STRADB: variants seen among roughly 807,000 people sequenced by gnomAD.
The protein encoded by STRADB is STE20 related adaptor beta.
Under a neutral mutation model 52.1 loss-of-function variants are expected in STRADB, and 34 were observed. The ratio of observed to expected loss-of-function variants is 0.65; its 90% CI spans 0.50 to 0.87. The LOEUF (loss-of-function observed/expected upper bound fraction) is 0.87. Ranked by LOEUF, STRADB falls within the 40% of genes least tolerant of loss-of-function variation. The probability of loss-of-function intolerance (pLI) is 0.00; values close to 1 mark genes in which losing one functional copy is unlikely to be tolerated. For missense variants in STRADB, 340 were observed against 483.9 expected, an observed-to-expected ratio of 0.70 and a Z score of 2.79; for synonymous variants, 133 against 174.5, an observed-to-expected ratio of 0.76 and a Z score of 1.87.
intron 5 of STRADB, among the ~76,000 whole-genome samples, chr2:201,474,044 C>A (rs1275168158): frequency 6.6e-6 from 1 of 152,068 alleles, no homozygotes; most frequent in Non-Finnish European, 1.5e-5. Context: ...GCGCCCACCA[C>A]CACGTCCAGC....
rs768465769 is a variant in STRADB, at chr2:201,475,698, C to T, written c.504C>T (p.Ala168=). 49 of 1,612,004 alleles carry T rather than the reference C, an allele frequency of 3.0e-5. No homozygotes were observed. Among genetic ancestry groups the T allele is most frequent in the Admixed American group, 2.2e-4 (13 of 59,964 alleles). The change falls in exon 7 of 12, where the codon GCC becomes GCT. Residue 168 remains alanine, a synonymous_variant. Coordinates refer to ENST00000194530, the MANE Select transcript of STRADB (RefSeq NM_018571.6). The part of the protein sequence containing the change: ...ETLIRNILFG[A]VRGLNYLHQN... ...TAATAAGAAACATTCTCTTTGGAGC[C>T]GTGAGAGGGTTGAACTATCTGCACC...
At chr2:201,477,979 G>A in intron 8 of STRADB, 108 bp from the exon 9 acceptor site, 1 of 1,188,372 alleles carries the variant, frequency 8.4e-7, no homozygotes, top group Non-Finnish European at 1.2e-6. Context: ...GTCGCTTATG[G>A]GTTTCTTTTC....
chr2:201,465,940 G>T (rs1369380715), intron 3 of STRADB, among the ~76,000 whole-genome samples: 1 of 152,214 alleles, frequency 6.6e-6, no homozygotes, highest in Non-Finnish European at 1.5e-5. Flanking sequence ...CTCCCCGGGG[G>T]ATGCGGGAGG....
chr2:201,469,649 T>C (rs1014636902), intron 3 of STRADB, among the ~76,000 whole-genome samples: 1 of 152,336 alleles, frequency 6.6e-6, no homozygotes, highest in African/African-American at 2.4e-5. Context: ...ATTTGTCAGC[T>C]ATCCTGAAGA....
Position 201,480,368 on chromosome 2 carries a change from A to C in STRADB, c.*193A>C. On this transcript the variant is annotated 3_prime_UTR_variant, in exon 12 of 12. Transcript: ENST00000194530. ...CCTCTGTTTCGCACAGAGTACTATG[A>C]CAAGGAAACATCAGAATTACTAATC... 1 of 1,372,660 alleles carries C rather than the reference A, an allele frequency of 7.3e-7. No individual in the cohort carries two copies. The highest frequency in any genetic ancestry group is 1.9e-5 in the South Asian group (1 of 51,366). 85.0% of individuals were successfully genotyped at this position (1,372,660 alleles called of 1,614,324 possible).
At chr2:201,454,910 GC>G in intron 2 of STRADB, 58 bp downstream of exon 2, 1 of 1,510,296 alleles carries the variant, frequency 6.6e-7, no homozygotes, top group Non-Finnish European at 9.1e-7. Context: ...GGATGTTAAT[GC>G]CAAGCCATAA....
intron 2 of STRADB, among the ~76,000 whole-genome samples, chr2:201,458,414 G>A (rs1398901681): frequency 1.3e-5 from 2 of 152,194 alleles, no homozygotes; most frequent in Admixed American, 6.5e-5. Flanking sequence ...TAATTATAAT[G>A]AATTCAGCAG....
In STRADB at chr2:201,470,044, T is replaced by G; in HGVS notation, c.185T>G (p.Val62Gly). The change falls in exon 4 of 12, where the codon GTA becomes GGA. Residue 62 changes from valine to glycine, a missense_variant. Val to Gly is a moderately radical substitution (Grantham distance 109). Coordinates refer to ENST00000194530, the MANE Select transcript of STRADB (RefSeq NM_018571.6). Reference sequence around the variant, plus strand: ...AACGTTTCTCACTATGAGCTCCAAGTAGAAATAGGTAATAATCCTGAATTT... The same window carrying G: ...AACGTTTCTCACTATGAGCTCCAAGGAGAAATAGGTAATAATCCTGAATTT... Reference protein sequence around the residue: ...STNVSHYELQVEIGRGFDNLT... With the variant: ...STNVSHYELQGEIGRGFDNLT... 1 of 1,608,430 alleles carries G rather than the reference T, an allele frequency of 6.2e-7. No homozygotes were observed. The highest frequency in any genetic ancestry group is 8.5e-7 in the Non-Finnish European group (1 of 1,174,816).
rs1952552747 is a variant in STRADB at position 201,480,425 on chromosome 2, C to G, written c.*250C>G. The G allele has an allele frequency of 8.2e-6, 10 of 1,222,958 alleles. No homozygotes were observed. The Admixed American group carries it at 2.8e-4, about 34-fold the overall frequency. 75.8% of individuals were successfully genotyped at this position (1,222,958 alleles called of 1,614,324 possible). A position where few individuals can be genotyped will look rare whatever the true frequency, so the allele number is the denominator to read the frequency against. On this transcript the variant is annotated 3_prime_UTR_variant, in exon 12 of 12. Coordinates refer to ENST00000194530, the MANE Select transcript of STRADB (RefSeq NM_018571.6). ...GTGTCATTTATTCTGGAATTTTTTT[C>G]TAAGCTGTGACTAACTCTTTTTATC...
intron 2 of STRADB, among the ~76,000 whole-genome samples, chr2:201,456,310 T>G (rs1450884362): frequency 1.3e-5 from 2 of 152,208 alleles, no homozygotes; most frequent in Non-Finnish European, 2.9e-5. Flanking sequence ...TTATATCAAT[T>G]TTTAAGTTGG....
In STRADB at chr2:201,474,766, TG is replaced by T; in HGVS notation, c.424+13del. 6.3e-7 allele frequency: 1 copy of T among 1,579,690 alleles called. No individual in the cohort carries two copies. The highest frequency in any genetic ancestry group is 8.6e-7 in the Non-Finnish European group (1 of 1,158,232). The stretch of plus-strand genomic sequence containing the variant: ...CATTTATGGCCTATGGTAAGAATGC[TG>T]GTTTTAAATAAATTAACTTAGCCTA... On this transcript the variant is annotated intron_variant, in intron 6 of 11. Transcript: ENST00000194530.
At chr2:201,452,929 T>C (rs1205882260) in intron 1 of STRADB, among the ~76,000 whole-genome samples, 3 of 152,226 alleles carry the variant, frequency 2.0e-5, no homozygotes, top group Non-Finnish European at 4.4e-5. Flanking sequence ...GATGTACTTG[T>C]GAATACGAAA....
In STRADB at chr2:201,458,942, A is replaced by C. The variant is rs1274228218; in HGVS notation, c.93+78A>C. 7.6e-6 allele frequency: 10 copies of C among 1,318,970 alleles called. No individual in the cohort carries two copies. The East Asian group carries it at 2.4e-4, about 31-fold the overall frequency. 81.7% of individuals were successfully genotyped at this position (1,318,970 alleles called of 1,614,324 possible). On this transcript the variant is annotated intron_variant, in intron 3 of 11. Transcript: ENST00000194530. ...TCTGGGAGGCCAAGGCAGGAGAATC[A>C]CTTGAGCCTAGGAGTTCGAGACCAG...
chr2:201,456,682 T>G (rs972811230), intron 2 of STRADB, among the ~76,000 whole-genome samples: 2 of 152,234 alleles, frequency 1.3e-5, no homozygotes, highest in African/African-American at 4.8e-5. Flanking sequence ...AACTAAGAAA[T>G]GCTGTTTTCA....
intron 5 of STRADB, among the ~76,000 whole-genome samples, chr2:201,473,914 G>A (rs1006787598): frequency 6.3e-5 from 9 of 143,240 alleles, no homozygotes; most frequent in East Asian, 2.0e-4. Flanking sequence ...TTTTCGAGAC[G>A]GAGTCTTGCT....
At chr2:201,461,348 C>T (rs886610327) in intron 3 of STRADB, among the ~76,000 whole-genome samples, 1 of 151,814 alleles carries the variant, frequency 6.6e-6, no homozygotes, top group African/African-American at 2.4e-5. Flanking sequence ...ATTACCACAC[C>T]CAGCTAATTA....
intron 3 of STRADB, among the ~76,000 whole-genome samples, chr2:201,466,660 G>A (rs1218570653): frequency 2.6e-5 from 4 of 152,040 alleles, no homozygotes; most frequent in Non-Finnish European, 4.4e-5. Context: ...CTATAACTTC[G>A]GAAACCCCTC....
At chr2:201,452,619 A>G (rs1952064147) in intron 1 of STRADB, among the ~76,000 whole-genome samples, 1 of 152,226 alleles carries the variant, frequency 6.6e-6, no homozygotes, top group Admixed American at 6.5e-5. Context: ...GTGCGTCGCT[A>G]TGATCTTTGT....
chr2:201,452,458 C>T (rs1239586507), intron 1 of STRADB, among the ~76,000 whole-genome samples: 2 of 152,202 alleles, frequency 1.3e-5, no homozygotes, highest in East Asian at 1.9e-4. Flanking sequence ...GTGTTTTTCC[C>T]TGCTGGGTCT....
Sources: gnomAD v4.1 joint callset for allele counts (sites outside exome capture counted in the v4.1 genomes callset) on GRCh38, gnomAD v4.1.1 for gene constraint, MANE v1.5 for transcripts, NCBI Gene and HGNC (gene_info 2026-07-23, HGNC 2026-07-21) for gene names.